The following SKAP1 variants were observed in gnomAD, a reference collection of about 807,000 sequenced individuals.
SKAP1 encodes src kinase-associated phosphoprotein 1.
A neutral mutation model predicts 58.5 loss-of-function variants in SKAP1; 44 were observed. The ratio of observed to expected loss-of-function variants is 0.75; its 90% confidence interval spans 0.59 to 0.97. The LOEUF is 0.97. Among genes scored for constraint, SKAP1 ranks in the 50% least tolerant of loss-of-function variants. The probability of loss-of-function intolerance (pLI) is 0.00; values close to 1 mark genes in which losing one functional copy is unlikely to be tolerated. For missense variants in SKAP1, 390 were observed against 435.2 expected (o/e 0.90, Z 0.92); for synonymous variants, 127 against 149.7 (o/e 0.85, Z 1.11).
chr17:48,364,890 AT>A (rs548105435), intron 2 of SKAP1, among the ~76,000 whole-genome samples: 275 of 150,386 alleles, frequency 1.8e-3, no homozygotes, highest in Admixed American at 4.1e-3. Flanking sequence ...TTATTTATCT[AT>A]TTTTTTTTCT....
the SKAP1 span, among the ~76,000 whole-genome samples, chr17:48,438,200 C>T: frequency 6.6e-6 from 1 of 152,164 alleles, no homozygotes. Flanking sequence ...GCCTCAATTT[C>T]CTCCGCTGTA....
At chr17:48,353,938 G>GGAAGAAGAAGAA (rs10695123) in intron 3 of SKAP1, among the ~76,000 whole-genome samples, 8 of 144,792 alleles carry the variant, frequency 5.5e-5, no homozygotes, top group African/African-American at 2.0e-4. Context: ...AAGAAGAAGA[G>GGAAGAAGAAGAA]GAAGAAGAAG....
intron 11 of SKAP1, among the ~76,000 whole-genome samples, chr17:48,154,214 G>A (rs2063941604): frequency 6.6e-6 from 1 of 152,238 alleles, no homozygotes; most frequent in South Asian, 2.1e-4. Flanking sequence ...GCATTCAGAT[G>A]ACTAGACTGG....
intron 4 of SKAP1, among the ~76,000 whole-genome samples, chr17:48,298,204 C>G (rs931994538): frequency 6.6e-6 from 1 of 152,218 alleles, no homozygotes; most frequent in African/African-American, 2.4e-5. Flanking sequence ...AGCTATTGGT[C>G]ATCTAAAGTT....
chr17:48,301,928 C>T (rs1002601826), intron 4 of SKAP1, among the ~76,000 whole-genome samples: 1 of 152,082 alleles, frequency 6.6e-6, no homozygotes, highest in Non-Finnish European at 1.5e-5. Flanking sequence ...AATATCTCAT[C>T]CTCAGTTGTA....
intron 2 of SKAP1, among the ~76,000 whole-genome samples, chr17:48,378,027 T>G (rs1482796030): frequency 6.6e-6 from 1 of 152,160 alleles, no homozygotes; most frequent in Non-Finnish European, 1.5e-5. Context: ...CCTATACCTC[T>G]TTTTCTATTA....
At chr17:48,358,607 A>T (rs1281576469) in intron 3 of SKAP1, among the ~76,000 whole-genome samples, 1 of 152,216 alleles carries the variant, frequency 6.6e-6, no homozygotes, top group African/African-American at 2.4e-5. Context: ...GGTGAGTTTC[A>T]TGGCCCTACA....
intron 8 of SKAP1, among the ~76,000 whole-genome samples, chr17:48,180,712 G>A (rs973977033): frequency 9.9e-5 from 15 of 152,182 alleles, no homozygotes; most frequent in African/African-American, 3.4e-4. Flanking sequence ...TATCTCCCCA[G>A]TGATTTCACT....
chr17:48,329,981 A>C lies in SKAP1; in HGVS notation c.280+15924T>G, dbSNP rs182701435. On this transcript the variant is annotated intron_variant, in intron 4 of 12. Coordinates refer to ENST00000336915, the MANE Select transcript of SKAP1 (RefSeq NM_003726.4). The stretch of plus-strand genomic sequence containing the variant: ...TATGTCTGGCATGTGGTAGGCATTC[A>C]ATAAATTTATTATAGAAAGCAGGTA... Among the ~76,000 whole-genome samples, 3 of 152,356 alleles carry C rather than the reference A, an allele frequency of 2.0e-5. No individual in the cohort carries two copies. The East Asian group carries it at 5.8e-4, about 29-fold the overall frequency.
At chr17:48,150,514 T>A (rs145649110) in intron 11 of SKAP1, among the ~76,000 whole-genome samples, 2,025 of 152,328 alleles carry the variant, frequency 0.013, 20 homozygotes, top group Middle Eastern at 0.068. Context: ...AGATGCTCTG[T>A]TTGTGTAAAG....
chr17:48,141,392 G>GTTTTTGC (rs747563937), intron 11 of SKAP1, among the ~76,000 whole-genome samples: 1 of 151,184 alleles, frequency 6.6e-6, no homozygotes. Context: ...TTTTGTTTTT[G>GTTTTTGC]TTTTTTTTGA....
In SKAP1 at chr17:48,314,016, T is replaced by C. The variant is rs2066258185; in HGVS notation, c.280+31889A>G. 3.9e-5 allele frequency among the ~76,000 whole-genome samples: 6 copies of C among 152,222 alleles called. No individual in the cohort carries two copies. In the South Asian group the frequency reaches 1.2e-3, roughly 31 times the overall value. ...TGATGGAAACTTTATGAGTTGACTT[T>C]AAAAAATGAATTTGTGAATATTCGT... On this transcript the variant is annotated intron_variant, in intron 4 of 12. Transcript: ENST00000336915.
At chr17:48,175,692 T>C (rs2064280320) in intron 9 of SKAP1, among the ~76,000 whole-genome samples, 1 of 152,202 alleles carries the variant, frequency 6.6e-6, no homozygotes, top group East Asian at 1.9e-4. Flanking sequence ...TACAAATCAC[T>C]GGTGAGGGCT....
In SKAP1 at chr17:48,371,654, C is replaced by CA. The variant is rs71141985; in HGVS notation, c.153-7841dup. Among the ~76,000 whole-genome samples the CA allele has an allele frequency of 5.2e-3, 197 of 37,918 alleles. 43 individuals are homozygous for CA. Among genetic ancestry groups the CA allele is most frequent in the African/African-American group, 0.023 (173 of 7,456 alleles). The allele number at this position is 37,918 out of a possible 152,430, so 24.9% of individuals were successfully genotyped here. A position where few individuals can be genotyped will look rare whatever the true frequency, so the allele number is the denominator to read the frequency against. On this transcript the variant is annotated intron_variant, in intron 2 of 12. Coordinates refer to ENST00000336915, the MANE Select transcript of SKAP1 (RefSeq NM_003726.4). Reference sequence around the variant, plus strand: ...GTAACATGGTGAAACCTTGTCTCCACAAAAAAAAAAAAAAAAAAAAAAAAA... The same window carrying CA: ...GTAACATGGTGAAACCTTGTCTCCACAAAAAAAAAAAAAAAAAAAAAAAAAA...
intron 4 of SKAP1, among the ~76,000 whole-genome samples, chr17:48,243,319 C>G (rs1433544313): frequency 6.6e-6 from 1 of 152,110 alleles, no homozygotes; most frequent in East Asian, 1.9e-4. Flanking sequence ...ATATAATAAG[C>G]CCATGATTGG....
At chr17:48,173,339 C>T (rs746568297) in intron 9 of SKAP1, among the ~76,000 whole-genome samples, 4 of 152,116 alleles carry the variant, frequency 2.6e-5, no homozygotes, top group Non-Finnish European at 5.9e-5. Context: ...CTGTAGTGCT[C>T]CCTCAACCCT....
chr17:48,212,043 A>G (rs2064878755), intron 4 of SKAP1, among the ~76,000 whole-genome samples: 1 of 151,182 alleles, frequency 6.6e-6, no homozygotes, highest in African/African-American at 2.4e-5. Context: ...CCACGAACCC[A>G]GAACTGGGGG....
At chr17:48,360,647 T>C (rs575637501) in intron 3 of SKAP1, among the ~76,000 whole-genome samples, 3 of 152,322 alleles carry the variant, frequency 2.0e-5, no homozygotes, top group Admixed American at 1.3e-4. Flanking sequence ...TCCAATTATG[T>C]TTAAGCTCAT....
chr17:48,255,217 G>T lies in SKAP1; in HGVS notation c.281-65717C>A, dbSNP rs80299999. 9.0e-3 allele frequency among the ~76,000 whole-genome samples: 1,364 copies of T among 152,076 alleles called. 31 individuals are homozygous for T. The highest frequency in any genetic ancestry group is 0.032 in the African/African-American group (1,310 of 41,498). The stretch of plus-strand genomic sequence containing the variant: ...TTAACAGAATATAATTAAAATTCAA[G>T]CCAGACAAAATGACTGGATCTTAAA... On this transcript the variant is annotated intron_variant, in intron 4 of 12. Transcript: ENST00000336915.
Sources: gnomAD v4.1 joint callset for allele counts (sites outside exome capture counted in the v4.1 genomes callset) on GRCh38, gnomAD v4.1.1 for gene constraint, MANE v1.5 for transcripts, NCBI Gene and HGNC (gene_info 2026-07-23, HGNC 2026-07-21) for gene names.